The following EYS variants were observed in gnomAD, a reference collection of about 807,000 sequenced individuals.
EYS encodes the protein EGF-like photoreceptor maintenance factor, also known as protein eyes shut homolog.
A neutral mutation model predicts 282.1 loss-of-function variants in EYS; 250 were observed. The observed-to-expected ratio is 0.89, with a 90% CI of 0.80 to 0.98. EYS has a LOEUF of 0.98. Ranked by LOEUF, EYS falls within the 50% of genes least tolerant of loss-of-function variation. The pLI, the probability that EYS is intolerant of heterozygous loss-of-function variation, is 0.00. For missense variants in EYS, 4,016 were observed against 3,709.0 expected (o/e 1.08, Z -2.15); for synonymous variants, 1,355 against 1,282.9 (o/e 1.06, Z -1.20).
chr6:64,356,207 A>T (rs1014920529), intron 29 of EYS, among the ~76,000 whole-genome samples: 1 of 151,270 alleles, frequency 6.6e-6, no homozygotes, highest in Non-Finnish European at 1.5e-5. Context: ...TTTTTTTAAA[A>T]TTTTTTATTG....
chr6:65,664,798 G>A (rs935145370), intron 1 of EYS, among the ~76,000 whole-genome samples: 4 of 152,226 alleles, frequency 2.6e-5, no homozygotes, highest in Non-Finnish European at 5.9e-5. Flanking sequence ...GTGACAACAG[G>A]TGCAAAACTT....
intron 39 of EYS, chr6:63,779,447 C>G (rs1329435371): frequency 2.3e-5 from 3 of 129,980 alleles, no homozygotes; most frequent in African/African-American, 9.4e-5. Flanking sequence ...GAGCGAGAGT[C>G]TGTTTCAAAA....
chr6:65,025,440 ACT>A (rs1248429736), intron 13 of EYS, among the ~76,000 whole-genome samples: 1 of 152,118 alleles, frequency 6.6e-6, no homozygotes, highest in Non-Finnish European at 1.5e-5. Flanking sequence ...TAAATGTTTA[ACT>A]CTGTTTTTGT....
intron 22 of EYS, among the ~76,000 whole-genome samples, chr6:64,688,221 T>G (rs1259009543): frequency 1.3e-5 from 2 of 152,170 alleles, no homozygotes; most frequent in Admixed American, 6.5e-5. Context: ...TGTCTCTATC[T>G]CCTTCAGTTC....
At chr6:64,611,607 CA>C (rs1267766807) in intron 24 of EYS, among the ~76,000 whole-genome samples, 2 of 151,870 alleles carry the variant, frequency 1.3e-5, no homozygotes, top group African/African-American at 4.8e-5. Context: ...TAAGGATCTG[CA>C]AAAAATGGTG....
intron 12 of EYS, among the ~76,000 whole-genome samples, chr6:65,175,590 A>G (rs1173712715): frequency 6.6e-6 from 1 of 151,474 alleles, no homozygotes; most frequent in African/African-American, 2.4e-5. Flanking sequence ...GAAATTATTC[A>G]TAAAGCATTT....
chr6:65,268,370 T>C (rs150998166), intron 12 of EYS, among the ~76,000 whole-genome samples: 3 of 152,074 alleles, frequency 2.0e-5, no homozygotes, highest in Non-Finnish European at 2.9e-5. Flanking sequence ...AGATCATGAA[T>C]ATTATGTATT....
intron 12 of EYS, among the ~76,000 whole-genome samples, chr6:65,269,135 C>G (rs1767833502): frequency 6.6e-6 from 1 of 152,092 alleles, no homozygotes; most frequent in South Asian, 2.1e-4. Flanking sequence ...ACAACCAAAT[C>G]CTGCTCAATA....
At chr6:64,461,680 G>A (rs138876744) in intron 26 of EYS, among the ~76,000 whole-genome samples, 1 of 152,078 alleles carries the variant, frequency 6.6e-6, no homozygotes, top group Admixed American at 6.6e-5. Flanking sequence ...AGCTGATCGA[G>A]AGCAATAATT....
At chr6:64,768,555 AGGAT>A (rs1218120327) in intron 22 of EYS, among the ~76,000 whole-genome samples, 1 of 152,224 alleles carries the variant, frequency 6.6e-6, no homozygotes, top group Non-Finnish European at 1.5e-5. Flanking sequence ...ACCCTATGAA[AGGAT>A]GAACCATTTC....
chr6:64,010,325 C>A (rs1291793497), intron 33 of EYS, among the ~76,000 whole-genome samples: 1 of 136,818 alleles, frequency 7.3e-6, no homozygotes. Flanking sequence ...AGGGTGTTGG[C>A]AGGTGCAGGG....
At chr6:64,982,429 T>A (rs1262257114) in intron 14 of EYS, among the ~76,000 whole-genome samples, 1 of 151,394 alleles carries the variant, frequency 6.6e-6, no homozygotes, top group Non-Finnish European at 1.5e-5. Context: ...TTCTACATTT[T>A]ATGTGTATGT....
At chr6:64,874,581 A>G (rs1366692141) in intron 19 of EYS, among the ~76,000 whole-genome samples, 1 of 152,038 alleles carries the variant, frequency 6.6e-6, no homozygotes, top group East Asian at 1.9e-4. Flanking sequence ...CATTTGGTAG[A>G]TGATTTTAGG....
chr6:65,496,953 G>A (rs997524850), intron 2 of EYS, among the ~76,000 whole-genome samples: 6 of 151,864 alleles, frequency 4.0e-5, no homozygotes, highest in Non-Finnish European at 4.4e-5. Context: ...TTACCTCTTT[G>A]CAATTTCAGT....
At chr6:64,041,711 GA>G (rs1465288030) in intron 33 of EYS, among the ~76,000 whole-genome samples, 2 of 152,108 alleles carry the variant, frequency 1.3e-5, no homozygotes, top group Non-Finnish European at 2.9e-5. Flanking sequence ...AACTGTGACA[GA>G]AAATACTGAA....
At chr6:64,659,596 T>C (rs10944670) in intron 22 of EYS, among the ~76,000 whole-genome samples, 96,984 of 151,618 alleles carry the variant, frequency 0.64, 31,256 homozygotes, top group African/African-American at 0.71. Context: ...CATCAGAGAA[T>C]ACTATAAACA....
chr6:64,822,790 G>A lies in EYS; in HGVS notation c.3025C>T (p.Leu1009=), dbSNP rs1764939774. ...INCEINLDEC[L]SEPCLHDGVC... Reference sequence around the variant, plus strand: ...CCATCATGGAGACAGGGCTCTGATAGGCATTCATCTAGATTTATTTCACAG... The same window carrying A: ...CCATCATGGAGACAGGGCTCTGATAAGCATTCATCTAGATTTATTTCACAG... Residue 1009 remains leucine (L), a synonymous_variant, in exon 20 of 43, where the codon CTA becomes TTA. Transcript: ENST00000503581. 1.9e-6 allele frequency: 3 copies of A among 1,549,788 alleles called. No individual in the cohort carries two copies. Among genetic ancestry groups the A allele is most frequent in the Non-Finnish European group, 1.7e-6 (2 of 1,145,840 alleles).
chr6:65,466,052 A>G (rs1764987864), intron 5 of EYS, among the ~76,000 whole-genome samples: 1 of 152,150 alleles, frequency 6.6e-6, no homozygotes, highest in East Asian at 1.9e-4. Context: ...AGAAATGTTA[A>G]TGGGACAGAG....
chr6:64,911,998 T>A, intron 16 of EYS, among the ~76,000 whole-genome samples: 1 of 152,216 alleles, frequency 6.6e-6, no homozygotes, highest in South Asian at 2.1e-4. Flanking sequence ...TTGCATAGGA[T>A]TTCTCTCTTG....
Sources: allele counts gnomAD v4.1 joint callset (sites outside exome capture counted in the v4.1 genomes callset), GRCh38; gene constraint gnomAD v4.1.1; transcripts MANE v1.5; gene names NCBI Gene and HGNC (gene_info 2026-07-23, HGNC 2026-07-21).